The following FREM3 variants were observed in gnomAD, a reference collection of about 807,000 sequenced individuals.
FREM3 encodes the protein FRAS1-related extracellular matrix protein 3.
Under a neutral mutation model 129.1 loss-of-function variants are expected in FREM3, and 105 were observed. The observed-to-expected ratio is 0.81, with a 90% CI of 0.69 to 0.96. The LOEUF is 0.96. Among genes scored for constraint, FREM3 ranks in the 40% least tolerant of loss-of-function variants. The pLI is 0.00. For synonymous variants in FREM3, 1,014 were observed against 1,044.9 expected, an observed-to-expected ratio of 0.97 and a Z score of 0.57; for missense variants, 2,593 against 2,666.3, an observed-to-expected ratio of 0.97 and a Z score of 0.61.
chr4:143,677,942 G>A (rs571823133), intron 2 of FREM3, among the ~76,000 whole-genome samples: 26 of 152,186 alleles, frequency 1.7e-4, no homozygotes, highest in African/African-American at 5.3e-4. Flanking sequence ...ACTGTTGGTG[G>A]GACTGTAAAC....
At chr4:143,633,560 A>C (rs560328531) in intron 2 of FREM3, among the ~76,000 whole-genome samples, 2 of 152,306 alleles carry the variant, frequency 1.3e-5, no homozygotes, top group East Asian at 3.9e-4. Flanking sequence ...TTTGTAAAGG[A>C]ATAAGAAGAC....
At position 143,696,401 on chromosome 4, in the gene FREM3, G is replaced by T. The variant is rs61732656; in HGVS notation, c.4275C>A (p.Val1425=). Residue 1425 remains valine (V), a synonymous_variant, in exon 1 of 8, where the codon GTC becomes GTA. Transcript: ENST00000329798. ...TCCTTTTGCTGATTACCTCAGGGAA[G>T]ACGCTGTCTAAGTTGCCAATGGTGA... ...FYVTIGNLDS[V]FPEVISKRIT... is the part of the protein sequence containing the mutation. 21,083 of 1,537,512 alleles carry T rather than the reference G, an allele frequency of 0.014. 167 individuals carry two copies. Among genetic ancestry groups the T allele is most frequent in the Non-Finnish European group, 0.016 (18,358 of 1,146,958 alleles).
intron 2 of FREM3, among the ~76,000 whole-genome samples, chr4:143,655,270 A>T (rs1301046885): frequency 6.6e-6 from 1 of 152,244 alleles, no homozygotes; most frequent in Non-Finnish European, 1.5e-5. Flanking sequence ...AGGTGAAATT[A>T]TGTAGAAAAA....
intron 2 of FREM3, among the ~76,000 whole-genome samples, chr4:143,668,677 A>G (rs1200728773): frequency 3.3e-5 from 5 of 152,156 alleles, no homozygotes; most frequent in Admixed American, 2.6e-4. Flanking sequence ...GTTTTACTAT[A>G]TGGTCTTCTA....
At chr4:143,591,813 C>G (rs6833406) in intron 6 of FREM3, among the ~76,000 whole-genome samples, 1 of 152,062 alleles carries the variant, frequency 6.6e-6, no homozygotes, top group Non-Finnish European at 1.5e-5. Flanking sequence ...TTCTGTCTCA[C>G]TGATCTGTCT....
At chr4:143,671,240 A>G (rs1370543752) in intron 2 of FREM3, among the ~76,000 whole-genome samples, 1 of 152,146 alleles carries the variant, frequency 6.6e-6, no homozygotes, top group Non-Finnish European at 1.5e-5. Context: ...CAATTCCAAC[A>G]TAGATTATGA....
chr4:143,659,908 G>T (rs1277556692), intron 2 of FREM3, among the ~76,000 whole-genome samples: 1 of 151,804 alleles, frequency 6.6e-6, no homozygotes, highest in Non-Finnish European at 1.5e-5. Flanking sequence ...ACATGTCCTT[G>T]GCCCACTTTT....
intron 2 of FREM3, among the ~76,000 whole-genome samples, chr4:143,648,269 C>G (rs560524118): frequency 3.9e-5 from 6 of 152,208 alleles, no homozygotes; most frequent in Non-Finnish European, 1.5e-5. Context: ...TTTACAGGCT[C>G]TTAGGCAGAA....
Position 143,611,009 on chromosome 4 carries a change from C to T in FREM3, c.6028+270G>A, listed in dbSNP as rs577973336. Among the ~76,000 whole-genome samples, 3 of 152,246 alleles carry T rather than the reference C, an allele frequency of 2.0e-5. No homozygotes were observed. In the East Asian group the frequency reaches 5.8e-4, roughly 30 times the overall value. ...TTGACTTAGGTCCTCTCCCTGGCTT[C>T]CTTCTAAGTCTTAAGTCACCTCCTT... On this transcript the variant is annotated intron_variant, in intron 6 of 7. Coordinates refer to ENST00000329798, the MANE Select transcript of FREM3 (RefSeq NM_001168235.2).
At chr4:143,592,600 T>G (rs1016217083) in intron 6 of FREM3, among the ~76,000 whole-genome samples, 1 of 152,236 alleles carries the variant, frequency 6.6e-6, no homozygotes, top group African/African-American at 2.4e-5. Flanking sequence ...GAGTTTCTGC[T>G]GAGAGATCAG....
At chr4:143,610,359 G>C (rs1272174229) in intron 6 of FREM3, among the ~76,000 whole-genome samples, 1 of 152,132 alleles carries the variant, frequency 6.6e-6, no homozygotes, top group Non-Finnish European at 1.5e-5. Flanking sequence ...GAACATGATA[G>C]TACACGATAA....
chr4:143,700,407 T>C lies in FREM3; in HGVS notation c.269A>G (p.Gln90Arg). 6.5e-7 allele frequency: 1 copy of C among 1,534,136 alleles called. No individual in the cohort carries two copies. Among genetic ancestry groups the C allele is most frequent in the Non-Finnish European group, 8.7e-7 (1 of 1,145,600 alleles). The change falls in exon 1 of 8, where the codon CAG becomes CGG. Residue 90 changes from glutamine (Q) to arginine (R), a missense_variant. Around this residue, in one of 2 missense-constraint regions of FREM3, gnomAD observed 2,276 missense variants for 2,267.2 expected, o/e 1.00. Coordinates refer to ENST00000329798, the MANE Select transcript of FREM3 (RefSeq NM_001168235.2). ...DPLRDLVIGV[Q>R]PGDRCEVTVL... ...CGTGACTTCGCACCGGTCCCCCGGC[T>C]GCACTCCAATCACCAGATCCCGGAG...
At chr4:143,640,186 A>G (rs562945974) in intron 2 of FREM3, among the ~76,000 whole-genome samples, 1 of 152,258 alleles carries the variant, frequency 6.6e-6, no homozygotes, top group South Asian at 2.1e-4. Flanking sequence ...GATTGTCTAC[A>G]TGTCAGTCTC....
Position 143,611,419 on chromosome 4 carries a change from G to T in FREM3, c.5888C>A (p.Thr1963Asn). 6.5e-7 allele frequency: 1 copy of T among 1,537,190 alleles called. No individual in the cohort carries two copies. The highest frequency in any genetic ancestry group is 8.7e-7 in the Non-Finnish European group (1 of 1,146,850). ...GTCATCAATGATCAGGACCTGGCAG[G>T]TCTTCTGTGTCTCATTCTTGTCAAA... is the stretch of plus-strand genomic sequence containing the variant. ...LHFDKNETQK[T>N]CQVLIIDDSL... Residue 1963 changes from threonine (T) to asparagine (N), a missense_variant, in exon 6 of 8, where the codon ACC becomes AAC. By Grantham distance (65) the Thr-to-Asn change is moderately conservative. Transcript: ENST00000329798.
At chr4:143,623,493 T>TCA (rs1738989290) in intron 4 of FREM3, among the ~76,000 whole-genome samples, 2 of 68,522 alleles carry the variant, frequency 2.9e-5, no homozygotes, top group African/African-American at 4.3e-5. Context: ...TGAATACTAA[T>TCA]CCCCCCCCCC....
chr4:143,682,667 G>A (rs1170090452), intron 2 of FREM3, among the ~76,000 whole-genome samples: 2 of 152,134 alleles, frequency 1.3e-5, no homozygotes, highest in Non-Finnish European at 2.9e-5. Flanking sequence ...CAAAGAACCT[G>A]GACAACTTGT....
chr4:143,676,923 G>T (rs913485214), intron 2 of FREM3, among the ~76,000 whole-genome samples: 11 of 152,124 alleles, frequency 7.2e-5, no homozygotes, highest in African/African-American at 2.4e-4. Flanking sequence ...ACATTCCATG[G>T]TCATGAATAG....
intron 2 of FREM3, among the ~76,000 whole-genome samples, chr4:143,642,423 C>T (rs1739336945): frequency 6.6e-6 from 1 of 152,142 alleles, no homozygotes; most frequent in Non-Finnish European, 1.5e-5. Context: ...CAGCATAGTA[C>T]TGGCATAAGA....
intron 6 of FREM3, among the ~76,000 whole-genome samples, chr4:143,607,275 C>T (rs1738683107): frequency 6.6e-6 from 1 of 152,142 alleles, no homozygotes; most frequent in Non-Finnish European, 1.5e-5. Context: ...TTTGCTCAAG[C>T]TGTTTCCTCC....
Sources: allele counts gnomAD v4.1 joint callset (sites outside exome capture counted in the v4.1 genomes callset), GRCh38; gene constraint gnomAD v4.1.1; regional missense constraint gnomAD v4.1.1; transcripts MANE v1.5; gene names NCBI Gene and HGNC (gene_info 2026-07-23, HGNC 2026-07-21).